HFM1: variants seen among roughly 807,000 people sequenced by gnomAD.
HFM1 encodes helicase for meiosis 1.
HFM1 carries 169 observed loss-of-function variants against 192.1 expected under a neutral mutation model. That is an observed-to-expected ratio of 0.88 (90% CI 0.78 to 1.00). The LOEUF is 1.00. Among genes scored for constraint, HFM1 ranks in the 50% least tolerant of loss-of-function variants. The probability of loss-of-function intolerance (pLI) is 0.00; values close to 1 mark genes in which losing one functional copy is unlikely to be tolerated. For synonymous variants in HFM1, 525 were observed against 537.8 expected (o/e 0.98, Z 0.33); for missense variants, 1,661 against 1,668.0 (o/e 1.00, Z 0.07).
At position 91,375,368 on chromosome 1, in the gene HFM1, G is replaced by C. The variant is rs764580542; in HGVS notation, c.1675C>G (p.Gln559Glu). The C allele has an allele frequency of 1.4e-5, 22 of 1,610,410 alleles. No individual in the cohort carries two copies. In the South Asian group the frequency reaches 2.4e-4, roughly 18 times the overall value. ...KDAKFIMTVE[Q>E]KQRLQKYAYS... ...AATAAAATACTATACCTCTGTTTCT[G>C]TTCCACAGTCATAATAAATTTAGCA... is the stretch of plus-strand genomic sequence containing the variant. The change falls in exon 13 of 39, where the codon CAG (glutamine) becomes GAG (glutamate). Residue 559 changes from glutamine to glutamate, a missense_variant. By Grantham distance (29) the Gln-to-Glu change is conservative. Coordinates refer to ENST00000370425, the MANE Select transcript of HFM1 (RefSeq NM_001017975.6).
Position 91,380,150 on chromosome 1 carries a change from CA to C in HFM1, c.959del (p.Leu320CysfsTer2). ...TVVFELAITR[L>X]LMEVPLPWLN... ...ACCATGGCAATGGTACTTCCATTAA[CA>C]ATCTTGTTATAGCTAGTTCAAACAC... On this transcript the variant is annotated frameshift_variant, in exon 8 of 39. Coordinates refer to ENST00000370425, the MANE Select transcript of HFM1 (RefSeq NM_001017975.6). LOFTEE classifies it high-confidence loss of function. The C allele has an allele frequency of 1.3e-6, 2 of 1,498,104 alleles. No homozygotes were observed. The highest frequency in any genetic ancestry group is 1.8e-6 in the Non-Finnish European group (2 of 1,090,788). 92.8% of individuals were successfully genotyped at this position (1,498,104 alleles called of 1,614,324 possible). A position where few individuals can be genotyped will look rare whatever the true frequency, so the allele number is the denominator to read the frequency against.
chr1:91,271,456 C>A (rs1362129286), intron 34 of HFM1, among the ~76,000 whole-genome samples: 1 of 151,986 alleles, frequency 6.6e-6, no homozygotes, highest in Non-Finnish European at 1.5e-5. Context: ...GAATTTTTAT[C>A]ATTTATAATA....
chr1:91,363,014 A>T (rs995142146), intron 13 of HFM1, among the ~76,000 whole-genome samples: 1 of 152,210 alleles, frequency 6.6e-6, no homozygotes, highest in African/African-American at 2.4e-5. Context: ...TACACCCTAC[A>T]CAAGAATTAA....
At chr1:91,333,024 C>T (rs1654052993) in intron 20 of HFM1, among the ~76,000 whole-genome samples, 1 of 152,152 alleles carries the variant, frequency 6.6e-6, no homozygotes, top group South Asian at 2.1e-4. Context: ...AGTACAACCA[C>T]TATGGAGAAT....
intron 34 of HFM1, among the ~76,000 whole-genome samples, chr1:91,271,431 A>C (rs569014060): frequency 5.0e-4 from 76 of 152,270 alleles, no homozygotes; most frequent in Admixed American, 9.8e-4. Context: ...TCTTGTGCTT[A>C]AGTCATTTTG....
intron 21 of HFM1, among the ~76,000 whole-genome samples, chr1:91,323,578 C>G (rs956173): frequency 6.6e-6 from 1 of 152,110 alleles, no homozygotes; most frequent in Non-Finnish European, 1.5e-5. Context: ...TTCTACTGTT[C>G]TATAGTTTGC....
chr1:91,373,027 A>G (rs1223148047), intron 13 of HFM1, among the ~76,000 whole-genome samples: 1 of 152,176 alleles, frequency 6.6e-6, no homozygotes, highest in Non-Finnish European at 1.5e-5. Flanking sequence ...GTAACTAAGA[A>G]GATCAAGTTA....
chr1:91,370,681 A>G (rs1324516323), intron 13 of HFM1, among the ~76,000 whole-genome samples: 1 of 152,144 alleles, frequency 6.6e-6, no homozygotes, highest in East Asian at 1.9e-4. Context: ...AAACTGGCAC[A>G]AGATAGGGAT....
In HFM1 at chr1:91,262,672, G is replaced by C. The variant is rs377455949; in HGVS notation, c.3975-80C>G. On this transcript the variant is annotated intron_variant, in intron 36 of 38. Coordinates refer to ENST00000370425, the MANE Select transcript of HFM1 (RefSeq NM_001017975.6). ...AATTTGGATCATAATGATTTTTGGGGAATATGATCAAAGTTTATCACATTT... is the reference window on the plus strand; with the variant it reads ...AATTTGGATCATAATGATTTTTGGGCAATATGATCAAAGTTTATCACATTT... The C allele has an allele frequency of 6.0e-5, 50 of 831,802 alleles. No individual in the cohort carries two copies. The African/African-American group carries it at 8.3e-4, about 14-fold the overall frequency. The allele number at this position is 831,802 out of a possible 1,614,324, so 51.5% of individuals were successfully genotyped here.
chr1:91,288,455 T>C (rs1282092214), intron 30 of HFM1, among the ~76,000 whole-genome samples: 58 of 149,956 alleles, frequency 3.9e-4, no homozygotes, highest in Admixed American at 1.3e-3. Flanking sequence ...CATAGGACAA[T>C]AGTGGAGGGA....
chr1:91,300,082 TA>T (rs1329998008), intron 30 of HFM1, among the ~76,000 whole-genome samples: 2 of 151,714 alleles, frequency 1.3e-5, no homozygotes, highest in African/African-American at 4.8e-5. Context: ...ATAGACACAA[TA>T]AAAAATGATA....
At chr1:91,349,885 T>C (rs1179826389) in intron 18 of HFM1, among the ~76,000 whole-genome samples, 1 of 152,182 alleles carries the variant, frequency 6.6e-6, no homozygotes, top group Non-Finnish European at 1.5e-5. Flanking sequence ...GGTGCGAAAC[T>C]AAAATTACAT....
intron 4 of HFM1, among the ~76,000 whole-genome samples, chr1:91,389,540 C>G (rs1304534272): frequency 6.6e-6 from 1 of 152,094 alleles, no homozygotes; most frequent in Non-Finnish European, 1.5e-5. Context: ...CATGAGCTCT[C>G]TCTGTTCATA....
intron 30 of HFM1, among the ~76,000 whole-genome samples, chr1:91,280,705 A>G (rs1481833280): frequency 1.3e-5 from 2 of 152,224 alleles, no homozygotes; most frequent in Non-Finnish European, 2.9e-5. Flanking sequence ...GCTTAGCTGA[A>G]GCCTAGAGTT....
chr1:91,354,466 C>T (rs1657439083), intron 13 of HFM1, among the ~76,000 whole-genome samples: 1 of 152,044 alleles, frequency 6.6e-6, no homozygotes, highest in Non-Finnish European at 1.5e-5. Context: ...TTGGGAGAGA[C>T]ATGGACATCC....
intron 13 of HFM1, among the ~76,000 whole-genome samples, chr1:91,361,104 A>G (rs1383351979): frequency 2.0e-5 from 3 of 152,162 alleles, no homozygotes; most frequent in African/African-American, 7.2e-5. Context: ...GAAATATCCC[A>G]AGTTAACAAC....
chr1:91,387,660 G>A (rs1213584112), intron 4 of HFM1, among the ~76,000 whole-genome samples: 4 of 147,448 alleles, frequency 2.7e-5, no homozygotes, highest in East Asian at 2.0e-4. Flanking sequence ...GTAAACTATC[G>A]CAAGAACAAA....
chr1:91,304,629 G>A (rs916675918), intron 30 of HFM1, among the ~76,000 whole-genome samples: 3 of 101,000 alleles, frequency 3.0e-5, no homozygotes, highest in Non-Finnish European at 6.0e-5. Context: ...ACCACAGCCG[G>A]CTAATTTTTT....
chr1:91,348,474 T>C (rs766551343), intron 18 of HFM1, among the ~76,000 whole-genome samples: 2 of 152,200 alleles, frequency 1.3e-5, no homozygotes, highest in African/African-American at 2.4e-5. Context: ...AGATTTATCA[T>C]ACGGATAGAT....
Sources: allele counts gnomAD v4.1 joint callset (sites outside exome capture counted in the v4.1 genomes callset), GRCh38; gene constraint gnomAD v4.1.1; transcripts MANE v1.5; gene names NCBI Gene and HGNC (gene_info 2026-07-23, HGNC 2026-07-21).